The following DNAH11 variants were observed in gnomAD, a reference collection of about 807,000 sequenced individuals.
The protein encoded by DNAH11 is dynein axonemal heavy chain 11.
Under a neutral mutation model 526.0 loss-of-function variants are expected in DNAH11, and 442 were observed. The ratio of observed to expected loss-of-function variants is 0.84; its 90% CI spans 0.78 to 0.91. DNAH11 has a LOEUF of 0.91. Among genes scored for constraint, DNAH11 ranks in the 40% least tolerant of loss-of-function variants. The pLI, the probability that DNAH11 is intolerant of heterozygous loss-of-function variation, is 0.00. For missense variants in DNAH11, 6,989 were observed against 5,448.7 expected, an observed-to-expected ratio of 1.28 and a Z score of -8.90; for synonymous variants, 2,461 against 1,935.9, an observed-to-expected ratio of 1.27 and a Z score of -7.12.
chr7:21,901,279 T>C lies in DNAH11; in HGVS notation c.*25T>C, dbSNP rs1472124251. The C allele has an allele frequency of 3.2e-6, 5 of 1,582,442 alleles. No homozygotes were observed. The highest frequency in any genetic ancestry group is 4.3e-6 in the Non-Finnish European group (5 of 1,163,124). On this transcript the variant is annotated 3_prime_UTR_variant, in exon 82 of 82. Coordinates refer to ENST00000409508, the MANE Select transcript of DNAH11 (RefSeq NM_001277115.2). Reference sequence around the variant, plus strand: ...AGGTAACACTGGCATTCCTCTAGCCTCTGCTGGAGTGCAGTGAGGATTTTC... The same window carrying C: ...AGGTAACACTGGCATTCCTCTAGCCCCTGCTGGAGTGCAGTGAGGATTTTC...
intron 68 of DNAH11, 67 bp downstream of exon 68, chr7:21,854,522 A>G: frequency 7.0e-7 from 1 of 1,420,990 alleles, no homozygotes; most frequent in Non-Finnish European, 9.6e-7. Context: ...GAACATTGGA[A>G]TTTATTTTAT....
chr7:21,669,835 A>C (rs1030796443), intron 30 of DNAH11, among the ~76,000 whole-genome samples: 1 of 152,010 alleles, frequency 6.6e-6, no homozygotes, highest in South Asian at 2.1e-4. Flanking sequence ...TTGAAAGTCA[A>C]CTGACTATAT....
chr7:21,667,478 T>A (rs1248071089), intron 30 of DNAH11, among the ~76,000 whole-genome samples: 4 of 152,140 alleles, frequency 2.6e-5, no homozygotes, highest in Non-Finnish European at 5.9e-5. Flanking sequence ...AAACAGGTGG[T>A]GGGCCAAATT....
chr7:21,881,263 CT>C (rs1783914828), intron 75 of DNAH11, among the ~76,000 whole-genome samples: 1 of 152,216 alleles, frequency 6.6e-6, no homozygotes, highest in South Asian at 2.1e-4. Context: ...GTTCATAACA[CT>C]GCATTAATAA....
chr7:21,868,695 G>C (rs1783380808), intron 72 of DNAH11, among the ~76,000 whole-genome samples, 169 bp from the exon 73 acceptor site: 1 of 152,176 alleles, frequency 6.6e-6, no homozygotes, highest in South Asian at 2.1e-4. Context: ...GCTGTGGAGA[G>C]CTCAAAATGC....
At chr7:21,800,857 G>A (rs10280100) in intron 61 of DNAH11, among the ~76,000 whole-genome samples, 1,539 of 152,214 alleles carry the variant, frequency 0.01, 22 homozygotes, top group African/African-American at 0.034. Flanking sequence ...CATCTTCAGC[G>A]CACATCCATT....
At chr7:21,592,381 A>G (rs1583509777) in intron 14 of DNAH11, among the ~76,000 whole-genome samples, 1 of 152,204 alleles carries the variant, frequency 6.6e-6, no homozygotes, top group Non-Finnish European at 1.5e-5. Context: ...CTGGAGAGCA[A>G]AAGTATAGAC....
intron 12 of DNAH11, among the ~76,000 whole-genome samples, chr7:21,589,955 A>T (rs1784615612): frequency 6.6e-6 from 1 of 152,190 alleles, no homozygotes; most frequent in African/African-American, 2.4e-5. Flanking sequence ...TATGGTAATT[A>T]AATTGATGGT....
Position 21,589,254 on chromosome 7 carries a change from G to A in DNAH11, c.2020G>A (p.Glu674Lys), listed in dbSNP as rs1784590907. ...DHALVYQKYV[E>K]MTTLLDQFES... ...CGCTTTAGTTTATCAAAAGTATGTT[G>A]AAATGACCACTTTGCTTGATCAATT... The change falls in exon 12 of 82, where the codon GAA (glutamate) becomes AAA (lysine). Residue 674 changes from glutamate to lysine, a missense_variant. Physicochemically the swap from Glu to Lys is moderately conservative, Grantham distance 56. Coordinates refer to ENST00000409508, the MANE Select transcript of DNAH11 (RefSeq NM_001277115.2). 6.2e-7 allele frequency: 1 copy of A among 1,610,344 alleles called. No homozygotes were observed. The highest frequency in any genetic ancestry group is 2.2e-5 in the East Asian group (1 of 44,670).
Position 21,588,601 on chromosome 7 carries a change from A to T in DNAH11, c.1938A>T (p.Gln646His). Residue 646 changes from glutamine (Q) to histidine (H), a missense_variant, in exon 11 of 82, where the codon CAA becomes CAT. Coordinates refer to ENST00000409508, the MANE Select transcript of DNAH11 (RefSeq NM_001277115.2). Reference sequence around the variant, plus strand: ...CCCAGCAGGTTCTCCAACGACTTCAAATGTTTTGGTCAAACTTCGCATCTC... The same window carrying T: ...CCCAGCAGGTTCTCCAACGACTTCATATGTTTTGGTCAAACTTCGCATCTC... ...KWAQQVLQRL[Q>H]MFWSNFASLR... The T allele has an allele frequency of 1.9e-6, 3 of 1,613,710 alleles. No individual in the cohort carries two copies. The highest frequency in any genetic ancestry group is 2.5e-6 in the Non-Finnish European group (3 of 1,179,648).
At position 21,639,699 on chromosome 7, in the gene DNAH11, T is replaced by C. The variant is rs1402257716; in HGVS notation, c.4944+634T>C. On this transcript the variant is annotated intron_variant, in intron 28 of 81. Transcript: ENST00000409508. ...GTACAAATTCCAAAGCACTCCTTCC[T>C]ATAAACTTTAAGAGAATGTTGCCTT... Among the ~76,000 whole-genome samples, 3 of 152,202 alleles carry C rather than the reference T, an allele frequency of 2.0e-5. 1 individual carries two copies. The highest frequency in any genetic ancestry group is 7.2e-5 in the African/African-American group (3 of 41,448).
intron 56 of DNAH11, among the ~76,000 whole-genome samples, chr7:21,775,688 C>G (rs1787641374): frequency 6.6e-6 from 1 of 152,014 alleles, no homozygotes; most frequent in African/African-American, 2.4e-5. Context: ...AACTTTTGCC[C>G]CTCTCCATGT....
At chr7:21,886,894 G>C (rs1050311140) in intron 76 of DNAH11, among the ~76,000 whole-genome samples, 5 of 152,128 alleles carry the variant, frequency 3.3e-5, no homozygotes, top group Admixed American at 1.3e-4. Flanking sequence ...TTGCAAGCTG[G>C]CATCCTCACT....
chr7:21,592,123 C>G (rs73682646), intron 14 of DNAH11, among the ~76,000 whole-genome samples: 1 of 152,140 alleles, frequency 6.6e-6, no homozygotes, highest in Non-Finnish European at 1.5e-5. Context: ...CAACACAATG[C>G]TCCCCTGCCA....
rs199864090 is a variant in DNAH11 at position 21,861,899 on chromosome 7, T to G, written c.11249T>G (p.Val3750Gly). ...AGAGCGATCGAGCAGGCTGACAAGG[T>G]GGAAGACATGCAGGGACGCATCTCT... ...FHRAIEQADK[V>G]EDMQGRISIL... Residue 3750 changes from valine (V) to glycine (G), a missense_variant, in exon 69 of 82, where the codon GTG becomes GGG. Val to Gly is a moderately radical substitution (Grantham distance 109). Coordinates refer to ENST00000409508, the MANE Select transcript of DNAH11 (RefSeq NM_001277115.2). 2.2e-4 allele frequency: 356 copies of G among 1,613,656 alleles called. No individual in the cohort carries two copies. The highest frequency in any genetic ancestry group is 2.8e-4 in the Admixed American group (17 of 59,972).
chr7:21,670,380 T>A (rs1250010881), intron 30 of DNAH11, among the ~76,000 whole-genome samples: 2 of 152,272 alleles, frequency 1.3e-5, no homozygotes, highest in East Asian at 3.9e-4. Context: ...ATTCACCTTT[T>A]ATCTTGGGGC....
intron 4 of DNAH11, among the ~76,000 whole-genome samples, chr7:21,560,764 C>A (rs900970011): frequency 6.6e-6 from 1 of 152,168 alleles, no homozygotes; most frequent in African/African-American, 2.4e-5. Context: ...TTTGGCAACA[C>A]CCTCACAGAC....
At position 21,687,329 on chromosome 7, in the gene DNAH11, A is replaced by G. The variant is rs540946833; in HGVS notation, c.5779-53A>G. On this transcript the variant is annotated intron_variant, in intron 33 of 81. Coordinates refer to ENST00000409508, the MANE Select transcript of DNAH11 (RefSeq NM_001277115.2). ...TCCTGATTGGGAATTATTCAATATA[A>G]TAGCGTAAAAACCCCTTCTGTTAAA... 2.5e-5 allele frequency: 40 copies of G among 1,575,596 alleles called. 1 individual carries two copies. The African/African-American group carries it at 4.7e-4, about 19-fold the overall frequency.
In DNAH11 at chr7:21,880,696, T is replaced by C. The variant is rs370585539; in HGVS notation, c.12196-6T>C. 9.3e-6 allele frequency: 15 copies of C among 1,613,406 alleles called. No homozygotes were observed. Among genetic ancestry groups the C allele is most frequent in the Non-Finnish European group, 1.3e-5 (15 of 1,179,826 alleles). On this transcript the variant is annotated splice_polypyrimidine_tract_variant and splice_region_variant and intron_variant, in intron 74 of 81. Transcript: ENST00000409508. ...ATAATCAAGCATTTCTTCTCTTTTT[T>C]CCCAGGATACACTTGAAATATGCTC... is the stretch of plus-strand genomic sequence containing the variant.
Sources: allele counts gnomAD v4.1 joint callset (sites outside exome capture counted in the v4.1 genomes callset), GRCh38; gene constraint gnomAD v4.1.1; transcripts MANE v1.5; gene names NCBI Gene and HGNC (gene_info 2026-07-23, HGNC 2026-07-21).